Variants in ZC3H12B observed in about 807,000 individuals in gnomAD.
ZC3H12B encodes the protein zinc finger CCCH-type containing 12B, also known as probable ribonuclease ZC3H12B.
A neutral mutation model predicts 43.9 loss-of-function variants in ZC3H12B; 7 were observed. The observed-to-expected ratio is 0.16, with a 90% CI of 0.09 to 0.30. The LOEUF is 0.30. Among genes scored for constraint, ZC3H12B ranks in the 10% least tolerant of loss-of-function variants. The pLI is 1.00. For missense variants in ZC3H12B, 475 were observed against 670.2 expected, an observed-to-expected ratio of 0.71 and a Z score of 3.22; for synonymous variants, 222 against 241.7, an observed-to-expected ratio of 0.92 and a Z score of 0.76.
chrX:65,458,085 T>TA (rs59738258), intron 3 of ZC3H12B, among the ~76,000 whole-genome samples: 45 of 49,052 alleles, frequency 9.2e-4, no homozygotes, highest in South Asian at 6.9e-3. Flanking sequence ...AAAAAAAAAT[T>TA]AAAAAAAAAA....
the ZC3H12B span, among the ~76,000 whole-genome samples, chrX:65,180,440 G>A: frequency 5.5e-5 from 6 of 109,883 alleles, no homozygotes; most frequent in Non-Finnish European, 1.2e-4. Context: ...TTTGAAAACT[G>A]GCACAAGACA....
chrX:65,357,204 A>G, the ZC3H12B span: 2 of 399,364 alleles, frequency 5.0e-6, no homozygotes, highest in Non-Finnish European at 4.7e-6. Context: ...TTTCCCTCTC[A>G]GGGTGAAATA....
intron 3 of ZC3H12B, among the ~76,000 whole-genome samples, chrX:65,446,567 T>A (rs756808336): frequency 8.9e-6 from 1 of 111,962 alleles, no homozygotes; most frequent in East Asian, 2.8e-4. Context: ...AGAGCTAATT[T>A]AAATGCTCCC....
the ZC3H12B span, among the ~76,000 whole-genome samples, chrX:65,063,710 T>C: frequency 8.9e-6 from 1 of 112,308 alleles, no homozygotes; most frequent in African/African-American, 3.2e-5. Context: ...TTCTATTGTT[T>C]TGAGAAGTTT....
At chrX:65,170,940 A>G in the ZC3H12B span, among the ~76,000 whole-genome samples, 2 of 111,226 alleles carry the variant, frequency 1.8e-5, no homozygotes, top group African/African-American at 6.5e-5. Flanking sequence ...TTCGTCTAAT[A>G]TTTTTTCAAG....
rs767895136 is a variant in ZC3H12B, at chrX:65,390,443, G to A, written n.296-8150G>A. Among the ~76,000 whole-genome samples the A allele has an allele frequency of 5.4e-5, 6 of 111,286 alleles. No homozygotes were observed. The East Asian group carries it at 1.4e-3, about 26-fold the overall frequency. Reference sequence around the variant, plus strand: ...ATAGGAGTTGCTATACTCGAAATCAGATTGATTTCAAGACAAAACTTATAG... The same window carrying A: ...ATAGGAGTTGCTATACTCGAAATCAAATTGATTTCAAGACAAAACTTATAG... On this transcript the variant is annotated intron_variant and non_coding_transcript_variant, in intron 2 of 5. Transcript: ENST00000617377.
the ZC3H12B span, among the ~76,000 whole-genome samples, chrX:65,101,096 C>CA: frequency 1.8e-5 from 2 of 111,924 alleles, no homozygotes; most frequent in Non-Finnish European, 3.8e-5. Context: ...GAAACTCACT[C>CA]AAAATGGCAC....
At chrX:65,132,747 G>A in the ZC3H12B span, among the ~76,000 whole-genome samples, 27 of 111,504 alleles carry the variant, frequency 2.4e-4, no homozygotes, top group African/African-American at 8.8e-4. Flanking sequence ...AGTTATGGAG[G>A]CAAGGGAAAC....
chrX:65,367,897 C>T (rs1342164544), intron 1 of ZC3H12B, among the ~76,000 whole-genome samples: 2 of 110,743 alleles, frequency 1.8e-5, no homozygotes, highest in African/African-American at 6.6e-5. Context: ...GTTTGGAAAA[C>T]ACAGTCACTA....
chrX:65,466,396 A>G lies in ZC3H12B; in HGVS notation n.408-22250A>G, dbSNP rs140708412. 8.3e-3 allele frequency among the ~76,000 whole-genome samples: 911 copies of G among 110,359 alleles called. 11 individuals are homozygous for G. Among genetic ancestry groups the G allele is most frequent in the African/African-American group, 0.028 (867 of 30,543 alleles). ...TCTCACATCTCACATCTCTCACATT[A>G]TCTATATATATCATATTATTATTAT... On this transcript the variant is annotated intron_variant and non_coding_transcript_variant, in intron 3 of 5. Transcript: ENST00000617377.
chrX:65,339,514 G>A, the ZC3H12B span, among the ~76,000 whole-genome samples: 1 of 112,148 alleles, frequency 8.9e-6, no homozygotes, highest in African/African-American at 3.2e-5. Flanking sequence ...CAGAGTATTT[G>A]TTGCAGGAGC....
At chrX:65,096,695 G>T in the ZC3H12B span, among the ~76,000 whole-genome samples, 2 of 111,679 alleles carry the variant, frequency 1.8e-5, no homozygotes, top group Non-Finnish European at 3.8e-5. Context: ...ATGGAATAGA[G>T]TATCCAAGAA....
At chrX:65,404,069 A>T (rs1377453267) in intron 3 of ZC3H12B, among the ~76,000 whole-genome samples, 2 of 112,271 alleles carry the variant, frequency 1.8e-5, no homozygotes, top group Non-Finnish European at 1.9e-5. Flanking sequence ...CTAAATAGAA[A>T]CAAAAAAGTT....
At chrX:65,335,009 G>C in the ZC3H12B span, among the ~76,000 whole-genome samples, 2 of 111,626 alleles carry the variant, frequency 1.8e-5, no homozygotes, top group African/African-American at 3.3e-5. Context: ...AACGTGCAGA[G>C]AGTGGAGTAT....
At chrX:65,050,758 C>T in the ZC3H12B span, among the ~76,000 whole-genome samples, 1 of 111,637 alleles carries the variant, frequency 9.0e-6, no homozygotes, top group Non-Finnish European at 1.9e-5. Context: ...ATCCTGGATT[C>T]ACAAGGATAA....
At chrX:65,100,205 G>A in the ZC3H12B span, among the ~76,000 whole-genome samples, 2 of 110,751 alleles carry the variant, frequency 1.8e-5, no homozygotes, top group African/African-American at 6.6e-5. Flanking sequence ...GAAAAGGAAT[G>A]AACAAAGCCT....
At chrX:65,214,333 G>C in the ZC3H12B span, among the ~76,000 whole-genome samples, 7 of 111,863 alleles carry the variant, frequency 6.3e-5, no homozygotes, top group Admixed American at 4.8e-4. Flanking sequence ...TTTATCCACA[G>C]TCAAACTTCT....
At chrX:65,083,591 A>G in the ZC3H12B span, among the ~76,000 whole-genome samples, 1 of 111,829 alleles carries the variant, frequency 8.9e-6, no homozygotes, top group Non-Finnish European at 1.9e-5. Context: ...ACACTGATGA[A>G]AGAAATTGAA....
the ZC3H12B span, among the ~76,000 whole-genome samples, chrX:65,279,651 A>G: frequency 8.9e-6 from 1 of 111,943 alleles, no homozygotes; most frequent in African/African-American, 3.2e-5. Flanking sequence ...CATCCTGGAC[A>G]TAGGAACAAG....
Sources: gnomAD v4.1 joint callset for allele counts (sites outside exome capture counted in the v4.1 genomes callset) on GRCh38, gnomAD v4.1.1 for gene constraint, MANE v1.5 for transcripts, NCBI Gene and HGNC (gene_info 2026-07-23, HGNC 2026-07-21) for gene names.